Variants in ADAM7 observed in about 807,000 individuals in gnomAD.
ADAM7 encodes the protein ADAM metallopeptidase domain 7.
Under a neutral mutation model 102.9 loss-of-function variants are expected in ADAM7, and 97 were observed. The observed-to-expected ratio is 0.94, with a 90% CI of 0.80 to 1.12. The LOEUF is 1.12. ADAM7 is among the 50% of genes most tolerant of loss of function. The pLI, the probability that ADAM7 is intolerant of heterozygous loss-of-function variation, is 0.00. For synonymous variants in ADAM7, 334 were observed against 304.4 expected (o/e 1.10, Z -1.01); for missense variants, 991 against 908.7 (o/e 1.09, Z -1.16).
intron 3 of ADAM7, among the ~76,000 whole-genome samples, chr8:24,453,584 C>A (rs1818884888): frequency 6.6e-6 from 1 of 152,134 alleles, no homozygotes. Flanking sequence ...AACTTCTTTG[C>A]CTTTGGTTTG....
chr8:24,451,590 CA>C (rs1454179628), intron 3 of ADAM7, among the ~76,000 whole-genome samples: 18 of 152,096 alleles, frequency 1.2e-4, no homozygotes, highest in African/African-American at 4.1e-4. Flanking sequence ...TTGATCCTTT[CA>C]AAAAACCAGC....
Position 24,447,252 on chromosome 8 carries a change from C to A in ADAM7, c.223C>A (p.Leu75Ile). The A allele has an allele frequency of 6.6e-7, 1 of 1,516,198 alleles. No individual in the cohort carries two copies. The highest frequency in any genetic ancestry group is 9.0e-7 in the Non-Finnish European group (1 of 1,109,652). 93.9% of individuals were successfully genotyped at this position (1,516,198 alleles called of 1,614,324 possible). ...LNRKTLVLHL[L>I]RSREFLGSNY... ...TAGAAAAACCTTAGTCCTTCATCTT[C>A]TAAGATCCAGGTAAGTTCTATTGTG... Residue 75 changes from leucine (L) to isoleucine (I), a missense_variant, in exon 3 of 22, where the codon CTA becomes ATA. Leu to Ile is a conservative substitution (Grantham distance 5). Coordinates refer to ENST00000175238, the MANE Select transcript of ADAM7 (RefSeq NM_003817.4).
chr8:24,507,452 A>G (rs749378909), intron 20 of ADAM7, 28 bp from the exon 21 acceptor site: 1 of 1,586,242 alleles, frequency 6.3e-7, no homozygotes, highest in African/African-American at 1.3e-5. Flanking sequence ...GATGTGGCAC[A>G]TGATACAACA....
intron 8 of ADAM7, among the ~76,000 whole-genome samples, chr8:24,476,853 A>G (rs780421101): frequency 4.6e-5 from 7 of 152,226 alleles, no homozygotes; most frequent in Non-Finnish European, 4.4e-5. Flanking sequence ...GTCTTAAGTT[A>G]TAATTTGTTG....
At chr8:24,507,148 A>T (rs777521680) in intron 20 of ADAM7, among the ~76,000 whole-genome samples, 15 of 152,148 alleles carry the variant, frequency 9.9e-5, no homozygotes, top group Non-Finnish European at 1.9e-4. Flanking sequence ...CAGAGATGTT[A>T]TCGGAATGAA....
intron 8 of ADAM7, among the ~76,000 whole-genome samples, chr8:24,477,569 A>AGTGTGTGTGT (rs370769372): frequency 1.4e-5 from 2 of 145,566 alleles, no homozygotes; most frequent in African/African-American, 2.6e-5. Flanking sequence ...TACCCTCATC[A>AGTGTGTGTGT]GTGTGTGTGT....
chr8:24,455,909 G>C (rs1421360425), intron 3 of ADAM7, among the ~76,000 whole-genome samples: 1 of 152,014 alleles, frequency 6.6e-6, no homozygotes, highest in Non-Finnish European at 1.5e-5. Context: ...TGAATACAAT[G>C]TGTAATAATT....
chr8:24,462,935 C>G (rs913691839), intron 3 of ADAM7, among the ~76,000 whole-genome samples: 6 of 151,946 alleles, frequency 3.9e-5, no homozygotes, highest in Non-Finnish European at 8.8e-5. Context: ...AATGTATACC[C>G]CTTAATCTAA....
chr8:24,499,645 T>G (rs1236336164), intron 17 of ADAM7, among the ~76,000 whole-genome samples: 2 of 152,142 alleles, frequency 1.3e-5, no homozygotes, highest in African/African-American at 4.8e-5. Context: ...TATAGTTAAA[T>G]TACACCAATG....
intron 4 of ADAM7, 127 bp downstream of exon 4, chr8:24,464,087 T>C: frequency 1.3e-6 from 1 of 743,532 alleles, no homozygotes; most frequent in South Asian, 1.9e-5. Context: ...TCTGAATTGA[T>C]TACTCTCACT....
intron 9 of ADAM7, 74 bp from the exon 10 acceptor site, chr8:24,485,203 T>C: frequency 3.0e-6 from 4 of 1,327,756 alleles, no homozygotes; most frequent in Non-Finnish European, 3.2e-6. Context: ...TTGCTGGGGT[T>C]CACTGCAATT....
intron 3 of ADAM7, among the ~76,000 whole-genome samples, chr8:24,457,847 T>C (rs1405757832): frequency 7.4e-6 from 1 of 135,460 alleles, no homozygotes; most frequent in African/African-American, 2.9e-5. Flanking sequence ...AATTTGTGTA[T>C]GTGCATATGT....
At chr8:24,498,235 TAATA>T (rs1436129738) in intron 16 of ADAM7, among the ~76,000 whole-genome samples, 1 of 151,730 alleles carries the variant, frequency 6.6e-6, no homozygotes, top group Non-Finnish European at 1.5e-5. Flanking sequence ...ATCTCAGGAA[TAATA>T]AATAATTTTG....
At chr8:24,487,141 G>C in intron 10 of ADAM7, 46 bp from the exon 11 acceptor site, 2 of 1,591,722 alleles carry the variant, frequency 1.3e-6, no homozygotes, top group Non-Finnish European at 1.7e-6. Context: ...ATGTACTACA[G>C]TATGCTAACT....
At chr8:24,454,115 C>G (rs1057277751) in intron 3 of ADAM7, among the ~76,000 whole-genome samples, 1 of 152,114 alleles carries the variant, frequency 6.6e-6, no homozygotes, top group African/African-American at 2.4e-5. Context: ...GGGACCCACT[C>G]GAGGAGGCAG....
chr8:24,443,514 G>A, intron 2 of ADAM7, among the ~76,000 whole-genome samples: 1 of 152,160 alleles, frequency 6.6e-6, no homozygotes. Context: ...CACTTTCTCA[G>A]ACTTTGTCTT....
intron 3 of ADAM7, among the ~76,000 whole-genome samples, chr8:24,462,657 C>G (rs949157063): frequency 6.6e-6 from 1 of 152,142 alleles, no homozygotes; most frequent in African/African-American, 2.4e-5. Context: ...AATATTTATA[C>G]ATGGAATGTC....
Position 24,500,257 on chromosome 8 carries a change from G to A in ADAM7, c.2002+1G>A, listed in dbSNP as rs1820710734. The A allele has an allele frequency of 6.2e-7, 1 of 1,604,094 alleles. No individual in the cohort carries two copies. Among genetic ancestry groups the A allele is most frequent in the African/African-American group, 1.3e-5 (1 of 74,730 alleles). ...TGTGAAGAAACCTTACATGTTACCA[G>A]TGAGCATCCTAAAACAAAATCTTTC... is the stretch of plus-strand genomic sequence containing the variant. On this transcript the variant is annotated splice_donor_variant, in intron 18 of 21. Transcript: ENST00000175238. LOFTEE classifies it high-confidence loss of function.
chr8:24,460,032 A>G (rs1396889630), intron 3 of ADAM7, among the ~76,000 whole-genome samples: 1 of 152,034 alleles, frequency 6.6e-6, no homozygotes, highest in African/African-American at 2.4e-5. Context: ...TCTTTGAGTC[A>G]TGAATTATTT....
Sources: allele counts gnomAD v4.1 joint callset (sites outside exome capture counted in the v4.1 genomes callset), GRCh38; gene constraint gnomAD v4.1.1; transcripts MANE v1.5; gene names NCBI Gene and HGNC (gene_info 2026-07-23, HGNC 2026-07-21).